ARMH4: variants seen among roughly 807,000 people sequenced by gnomAD.
ARMH4 encodes armadillo-like helical domain-containing protein 4.
In ARMH4, 49 loss-of-function variants were observed where a neutral mutation model predicts 61.9. The observed-to-expected ratio is 0.79, with a 90% CI of 0.63 to 1.00. The LOEUF is 1.00. Ranked by LOEUF, ARMH4 falls within the 50% of genes least tolerant of loss-of-function variation. The pLI is 0.00. For synonymous variants in ARMH4, 368 were observed against 341.5 expected (o/e 1.08, Z -0.85); for missense variants, 934 against 930.0 (o/e 1.00, Z -0.06).
intron 5 of ARMH4, among the ~76,000 whole-genome samples, chr14:58,057,187 G>A (rs758188380): frequency 7.9e-5 from 12 of 152,154 alleles, no homozygotes; most frequent in Non-Finnish European, 1.0e-4. Flanking sequence ...TAACTAGAGC[G>A]ATGTTAAGCG....
At chr14:58,014,793 T>C (rs983070126) in intron 5 of ARMH4, among the ~76,000 whole-genome samples, 7 of 152,074 alleles carry the variant, frequency 4.6e-5, no homozygotes, top group African/African-American at 7.2e-5. Context: ...CAAGCAGCAA[T>C]GTAGGGACTA....
intron 5 of ARMH4, among the ~76,000 whole-genome samples, chr14:58,080,090 G>A (rs1885170494): frequency 6.6e-6 from 1 of 150,966 alleles, no homozygotes. Flanking sequence ...AGGTGCCTTT[G>A]TCACTATCAT....
At chr14:58,072,043 T>C (rs1180330720) in intron 5 of ARMH4, among the ~76,000 whole-genome samples, 2 of 152,228 alleles carry the variant, frequency 1.3e-5, no homozygotes, top group Non-Finnish European at 2.9e-5. Context: ...TCTAGTGCAT[T>C]TCCTATGATT....
At chr14:58,074,510 T>A (rs532360831) in intron 5 of ARMH4, among the ~76,000 whole-genome samples, 3 of 151,938 alleles carry the variant, frequency 2.0e-5, no homozygotes, top group African/African-American at 7.2e-5. Flanking sequence ...TCACTTTAAG[T>A]CTAGACAATC....
chr14:58,056,171 TAAG>T (rs1017233560), intron 5 of ARMH4, among the ~76,000 whole-genome samples: 2 of 152,304 alleles, frequency 1.3e-5, no homozygotes, highest in African/African-American at 4.8e-5. Context: ...TCTCCCAACT[TAAG>T]AAGAGCTGCT....
At chr14:58,043,186 A>T (rs1429571312) in intron 5 of ARMH4, among the ~76,000 whole-genome samples, 1 of 152,192 alleles carries the variant, frequency 6.6e-6, no homozygotes, top group Non-Finnish European at 1.5e-5. Flanking sequence ...CCTGAAGAAC[A>T]TCGATGCAAA....
intron 4 of ARMH4, among the ~76,000 whole-genome samples, chr14:58,102,582 C>T (rs1030498224): frequency 6.6e-6 from 1 of 151,020 alleles, no homozygotes; most frequent in Non-Finnish European, 1.5e-5. Context: ...GAGGCCGAGG[C>T]GGGTGGATCA....
At chr14:58,130,220 T>C (rs187799914) in intron 4 of ARMH4, among the ~76,000 whole-genome samples, 1 of 152,350 alleles carries the variant, frequency 6.6e-6, no homozygotes, top group African/African-American at 2.4e-5. Flanking sequence ...TTTATCTTAA[T>C]GTGGAATGCA....
At chr14:58,054,118 A>G (rs1480671459) in intron 5 of ARMH4, among the ~76,000 whole-genome samples, 1 of 152,218 alleles carries the variant, frequency 6.6e-6, no homozygotes, top group Non-Finnish European at 1.5e-5. Context: ...TAACTTACAC[A>G]AGTGGTGGGG....
intron 5 of ARMH4, among the ~76,000 whole-genome samples, chr14:58,039,474 T>C (rs530311074): frequency 1.3e-5 from 2 of 152,294 alleles, no homozygotes; most frequent in African/African-American, 4.8e-5. Flanking sequence ...ACTTTACCAA[T>C]ATCTACCACT....
At chr14:58,083,799 C>T (rs976617422) in intron 5 of ARMH4, among the ~76,000 whole-genome samples, 1 of 152,198 alleles carries the variant, frequency 6.6e-6, no homozygotes, top group African/African-American at 2.4e-5. Flanking sequence ...GTCAGTCTTG[C>T]ATCCATCTGT....
intron 4 of ARMH4, among the ~76,000 whole-genome samples, chr14:58,105,924 A>G (rs1886154496): frequency 6.6e-6 from 1 of 152,158 alleles, no homozygotes; most frequent in Admixed American, 6.5e-5. Flanking sequence ...CATAACCAAC[A>G]CTTCTTTTTC....
At chr14:58,031,626 G>A (rs1381871330) in intron 5 of ARMH4, among the ~76,000 whole-genome samples, 1 of 152,068 alleles carries the variant, frequency 6.6e-6, no homozygotes, top group East Asian at 1.9e-4. Flanking sequence ...ACAGACTTCG[G>A]CGAGAACTGC....
Position 58,138,976 on chromosome 14 carries a change from G to T in ARMH4, c.383C>A (p.Ser128Tyr). 6.2e-7 allele frequency: 1 copy of T among 1,614,208 alleles called. No homozygotes were observed. The highest frequency in any genetic ancestry group is 8.5e-7 in the Non-Finnish European group (1 of 1,180,042). The change falls in exon 2 of 8, where the codon TCC becomes TAC. Residue 128 changes from serine (S) to tyrosine (Y), a missense_variant. Ser to Tyr is a moderately radical substitution (Grantham distance 144). Coordinates refer to ENST00000267485, the MANE Select transcript of ARMH4 (RefSeq NM_001001872.4). ...GVPSAEEVFGSSQPERISPES... is the reference protein window; with the variant it reads ...GVPSAEEVFGYSQPERISPES... ...AGGAGATATTCTCTCTGGCTGGCTG[G>T]AACCAAATACTTCTTCAGCTGAGGG...
At chr14:58,019,972 T>C (rs1882758899) in intron 5 of ARMH4, among the ~76,000 whole-genome samples, 1 of 152,266 alleles carries the variant, frequency 6.6e-6, no homozygotes, top group East Asian at 1.9e-4. Flanking sequence ...ATCCCAGATA[T>C]ATGCATAAAT....
At chr14:58,105,017 A>C (rs965278328) in intron 4 of ARMH4, among the ~76,000 whole-genome samples, 2 of 152,260 alleles carry the variant, frequency 1.3e-5, no homozygotes, top group Non-Finnish European at 2.9e-5. Context: ...TCTATTCATA[A>C]AAACTGAAGA....
intron 5 of ARMH4, among the ~76,000 whole-genome samples, chr14:58,046,913 T>A (rs1420198418): frequency 2.0e-5 from 3 of 152,206 alleles, no homozygotes; most frequent in African/African-American, 7.2e-5. Context: ...TATATTACCA[T>A]AAAACCAAAA....
rs550292031 is a variant in ARMH4 at position 58,023,214 on chromosome 14, C to T, written c.2090-11064G>A. ...GAAGGATTTCTCTATATATGCAATG[C>T]TGTTTGAGAGCATTTTACCCAGAAT... On this transcript the variant is annotated intron_variant, in intron 5 of 7. Transcript: ENST00000267485. 3.3e-5 allele frequency among the ~76,000 whole-genome samples: 5 copies of T among 152,274 alleles called. No homozygotes were observed. In the South Asian group the frequency reaches 1.0e-3, roughly 32 times the overall value.
At chr14:58,105,689 G>GAAAAAAAA (rs1373693311) in intron 4 of ARMH4, among the ~76,000 whole-genome samples, 1 of 91,228 alleles carries the variant, frequency 1.1e-5, no homozygotes, top group African/African-American at 4.0e-5. Flanking sequence ...TCCATCTCAA[G>GAAAAAAAA]AAAAAAAAAA....
Sources: gnomAD v4.1 joint callset for allele counts (sites outside exome capture counted in the v4.1 genomes callset) on GRCh38, gnomAD v4.1.1 for gene constraint, MANE v1.5 for transcripts, NCBI Gene and HGNC (gene_info 2026-07-23, HGNC 2026-07-21) for gene names.